The following MPHOSPH10 variants were observed in gnomAD, a reference collection of about 807,000 sequenced individuals.
The protein encoded by MPHOSPH10 is M-phase phosphoprotein 10.
Under a neutral mutation model 77.3 loss-of-function variants are expected in MPHOSPH10, and 33 were observed. The observed-to-expected ratio is 0.43, with a 90% CI of 0.32 to 0.57. The LOEUF is 0.57. Among genes scored for constraint, MPHOSPH10 ranks in the 20% least tolerant of loss-of-function variants. MPHOSPH10 has a pLI of 0.07. For synonymous variants in MPHOSPH10, 245 were observed against 268.0 expected (o/e 0.91, Z 0.84); for missense variants, 708 against 780.1 (o/e 0.91, Z 1.10).
At chr2:71,143,260 G>A (rs1271169709) in intron 7 of MPHOSPH10, among the ~76,000 whole-genome samples, 1 of 151,210 alleles carries the variant, frequency 6.6e-6, no homozygotes, top group Non-Finnish European at 1.5e-5. Context: ...CCCTGCCTCA[G>A]CCTCCTGAGT....
intron 8 of MPHOSPH10, among the ~76,000 whole-genome samples, chr2:71,145,491 T>G (rs1012276574): frequency 3.6e-5 from 5 of 140,096 alleles, no homozygotes; most frequent in African/African-American, 1.3e-4. Context: ...AACCTGGTTG[T>G]TTTTTTTTGT....
chr2:71,139,636 C>G (rs1673570780), intron 5 of MPHOSPH10, among the ~76,000 whole-genome samples, 159 bp from the exon 6 acceptor site: 1 of 152,194 alleles, frequency 6.6e-6, no homozygotes, highest in Non-Finnish European at 1.5e-5. Context: ...ATAGCTGTCC[C>G]TCTTCCCCAC....
intron 4 of MPHOSPH10, among the ~76,000 whole-genome samples, chr2:71,137,297 A>G (rs1016462270): frequency 6.6e-5 from 10 of 152,304 alleles, no homozygotes; most frequent in South Asian, 4.1e-4. Context: ...CAGTATTACA[A>G]TTACCACTGT....
intron 7 of MPHOSPH10, among the ~76,000 whole-genome samples, chr2:71,141,816 G>A (rs938477911): frequency 2.6e-5 from 4 of 151,980 alleles, no homozygotes; most frequent in African/African-American, 9.7e-5. Context: ...GATTGCTTGA[G>A]GTCAGGAGTT....
Position 71,132,131 on chromosome 2 carries a change from A to G in MPHOSPH10, c.90-767A>G, listed in dbSNP as rs116652925. ...GTTCTACCTCCAAACTATACTCAGC[A>G]TATTCACTGCTCTAACTCCAGTCTA... On this transcript the variant is annotated intron_variant, in intron 1 of 10. Transcript: ENST00000244230. 7.3e-3 allele frequency among the ~76,000 whole-genome samples: 1,109 copies of G among 152,296 alleles called. 12 individuals are homozygous for G. Among genetic ancestry groups the G allele is most frequent in the Non-Finnish European group, 0.011 (726 of 68,026 alleles).
chr2:71,145,171 C>T (rs1431613005), intron 8 of MPHOSPH10, among the ~76,000 whole-genome samples: 1 of 152,204 alleles, frequency 6.6e-6, no homozygotes, highest in Non-Finnish European at 1.5e-5. Context: ...CTGTCTATTC[C>T]TTGGAGCCTC....
intron 10 of MPHOSPH10, 87 bp from the exon 11 acceptor site, chr2:71,149,779 A>T: frequency 8.7e-7 from 1 of 1,143,000 alleles, no homozygotes; most frequent in Non-Finnish European, 1.2e-6. Context: ...GGTTGCATAC[A>T]TTGTTGTAAT....
intron 3 of MPHOSPH10, 99 bp downstream of exon 3, chr2:71,134,204 T>G: frequency 2.6e-6 from 3 of 1,142,600 alleles, no homozygotes; most frequent in Non-Finnish European, 3.6e-6. Context: ...GCAAGTTCTA[T>G]TCTCTAATAT....
chr2:71,138,945 A>T, intron 5 of MPHOSPH10: 1 of 567,960 alleles, frequency 1.8e-6, no homozygotes, highest in Non-Finnish European at 3.1e-6. Flanking sequence ...GAGGCAGGAG[A>T]ATTGCTTGAA....
intron 4 of MPHOSPH10, among the ~76,000 whole-genome samples, chr2:71,136,698 A>G (rs955199177): frequency 6.6e-6 from 1 of 151,906 alleles, no homozygotes; most frequent in African/African-American, 2.4e-5. Flanking sequence ...GTATCCTTCC[A>G]CCCCACTCCT....
rs1673437577 is a variant in MPHOSPH10 at position 71,133,973 on chromosome 2, A to AATACAAAG, written c.797_804dup (p.Phe269ThrfsTer14). 1 of 1,581,086 alleles carries AATACAAAG rather than the reference A, an allele frequency of 6.3e-7. No individual in the cohort carries two copies. The highest frequency in any genetic ancestry group is 8.6e-7 in the Non-Finnish European group (1 of 1,164,046). ...TCAGGTAAAAGTTCCAGAAATCTGA[A>AATACAAAG]ATACAAAGATTTTTTTGATCCAGTT... On this transcript the variant is annotated frameshift_variant, in exon 3 of 11. Coordinates refer to ENST00000244230, the MANE Select transcript of MPHOSPH10 (RefSeq NM_005791.3). LOFTEE classifies it high-confidence loss of function.
At chr2:71,143,486 A>G (rs975236729) in intron 7 of MPHOSPH10, among the ~76,000 whole-genome samples, 4 of 152,194 alleles carry the variant, frequency 2.6e-5, no homozygotes, top group Non-Finnish European at 5.9e-5. Flanking sequence ...TTTATATAAC[A>G]TAAAATGAAC....
intron 4 of MPHOSPH10, among the ~76,000 whole-genome samples, chr2:71,137,171 T>G (rs1203111187): frequency 1.3e-5 from 2 of 151,316 alleles, no homozygotes; most frequent in Non-Finnish European, 2.9e-5. Flanking sequence ...CATTTCTAAT[T>G]TTTTTTTTCA....
At chr2:71,134,877 A>T in intron 4 of MPHOSPH10, 80 bp downstream of exon 4, 1 of 1,184,734 alleles carries the variant, frequency 8.4e-7, no homozygotes, top group South Asian at 1.5e-5. Flanking sequence ...TTTGAAAACA[A>T]ATATCTTGGC....
chr2:71,145,322 A>G (rs893369862), intron 8 of MPHOSPH10, among the ~76,000 whole-genome samples: 3 of 152,194 alleles, frequency 2.0e-5, no homozygotes, highest in Non-Finnish European at 4.4e-5. Context: ...AGAAGTCAGA[A>G]CCTGAGCTGA....
At chr2:71,140,464 C>T (rs1426791698) in intron 6 of MPHOSPH10, among the ~76,000 whole-genome samples, 1 of 152,156 alleles carries the variant, frequency 6.6e-6, no homozygotes, top group African/African-American at 2.4e-5. Flanking sequence ...TCCATAAATG[C>T]AACTGCCATT....
intron 7 of MPHOSPH10, 77 bp from the exon 8 acceptor site, chr2:71,144,351 C>A: frequency 9.4e-7 from 1 of 1,060,768 alleles, no homozygotes; most frequent in Non-Finnish European, 1.4e-6. Context: ...TAGAAATACT[C>A]TCATTGACCT....
At position 71,136,732 on chromosome 2, in the gene MPHOSPH10, G is replaced by T. The variant is rs150128518; in HGVS notation, c.1099-1758G>T. 8.4e-4 allele frequency among the ~76,000 whole-genome samples: 128 copies of T among 151,580 alleles called. 1 individual carries two copies. In the East Asian group the frequency reaches 0.022, roughly 26 times the overall value. ...CTCCCGCCCTTCCCCAACAAATAAA[G>T]AAAGAAAGGTTTGGTTTTATTGTGA... On this transcript the variant is annotated intron_variant, in intron 4 of 10. Transcript: ENST00000244230.
chr2:71,144,608 C>A (rs1673674262), intron 8 of MPHOSPH10, 70 bp downstream of exon 8: 3 of 1,131,764 alleles, frequency 2.7e-6, no homozygotes, highest in Non-Finnish European at 3.9e-6. Flanking sequence ...CTTTGTGAGA[C>A]TAGCTCTTTA....
Sources: gnomAD v4.1 joint callset for allele counts (sites outside exome capture counted in the v4.1 genomes callset) on GRCh38, gnomAD v4.1.1 for gene constraint, MANE v1.5 for transcripts, NCBI Gene and HGNC (gene_info 2026-07-23, HGNC 2026-07-21) for gene names.